The following DMXL2 variants were observed in gnomAD, a reference collection of about 807,000 sequenced individuals.
DMXL2 encodes the protein Dmx like 2.
DMXL2 carries 103 observed loss-of-function variants against 331.1 expected under a neutral mutation model. That is an observed-to-expected ratio of 0.31 (90% CI 0.27 to 0.37). The LOEUF (loss-of-function observed/expected upper bound fraction) is 0.37. Among genes scored for constraint, DMXL2 ranks in the 10% least tolerant of loss-of-function variants. The pLI is 1.00. For missense variants in DMXL2, 3,171 were observed against 3,642.9 expected (o/e 0.87, Z 3.33); for synonymous variants, 1,281 against 1,252.1 (o/e 1.02, Z -0.49).
chr15:51,514,215 G>T (rs1365103616), intron 15 of DMXL2, among the ~76,000 whole-genome samples: 2 of 152,132 alleles, frequency 1.3e-5, no homozygotes, highest in Non-Finnish European at 2.9e-5. Flanking sequence ...AAGGTTCACA[G>T]ATACCATTTC....
intron 6 of DMXL2, among the ~76,000 whole-genome samples, chr15:51,559,517 C>A (rs936136761): frequency 6.6e-5 from 10 of 152,058 alleles, no homozygotes; most frequent in Non-Finnish European, 1.5e-4. Flanking sequence ...GAGTTCAAAA[C>A]CAGCTTGGGC....
chr15:51,467,974 C>T (rs993207636), intron 29 of DMXL2, among the ~76,000 whole-genome samples: 3 of 152,154 alleles, frequency 2.0e-5, no homozygotes, highest in African/African-American at 4.8e-5. Flanking sequence ...GATCTGCCCA[C>T]CTTGGCCTCC....
In DMXL2 at chr15:51,545,588, G is replaced by C. The variant is rs1289374866; in HGVS notation, c.925C>G (p.Leu309Val). Residue 309 changes from leucine to valine, a missense_variant, in exon 8 of 44, where the codon CTT becomes GTT. Leu to Val is a conservative substitution (Grantham distance 32). Transcript: ENST00000560891. The part of the protein sequence containing the change: ...GRHKDRIQHA[L>V]ETIHHLKNLR... ...CATTTTAAATAATATAATACCTCAA[G>C]AGCATGCTGTATTCTGTCTTTGTGT... 6.2e-7 allele frequency: 1 copy of C among 1,612,338 alleles called. No individual in the cohort carries two copies. The highest frequency in any genetic ancestry group is 8.5e-7 in the Non-Finnish European group (1 of 1,179,052).
chr15:51,474,709 T>C (rs1336582604), intron 27 of DMXL2, 117 bp from the exon 28 acceptor site: 4 of 1,133,144 alleles, frequency 3.5e-6, no homozygotes, highest in Non-Finnish European at 4.9e-6. Context: ...AATATTTCCA[T>C]AATTTGAGCA....
In DMXL2 at chr15:51,557,076, T is replaced by TG. The variant is rs58548230; in HGVS notation, c.567+6304dup. ...AAAAAAAAAGGAAAAATATGAAAAA[T>TG]GGGAGAGTTACAAAAGATGAACTAC... On this transcript the variant is annotated intron_variant, in intron 6 of 43. Coordinates refer to ENST00000560891, the MANE Select transcript of DMXL2 (RefSeq NM_001378457.1). Among the ~76,000 whole-genome samples the TG allele has an allele frequency of 7.3e-3, 1,107 of 150,938 alleles. 18 individuals are homozygous for TG. Among genetic ancestry groups the TG allele is most frequent in the African/African-American group, 0.026 (1,064 of 41,214 alleles).
At chr15:51,509,943 C>T (rs935567361) in intron 15 of DMXL2, among the ~76,000 whole-genome samples, 1 of 152,068 alleles carries the variant, frequency 6.6e-6, no homozygotes, top group African/African-American at 2.4e-5. Context: ...TAAACAGAAC[C>T]AATGACAAAA....
chr15:51,505,254 T>A (rs1299567539), intron 16 of DMXL2, among the ~76,000 whole-genome samples: 1 of 152,246 alleles, frequency 6.6e-6, no homozygotes, highest in Non-Finnish European at 1.5e-5. Flanking sequence ...ATGCTTTCTA[T>A]CACAGCTAAA....
At chr15:51,554,292 T>A (rs1433175363) in intron 6 of DMXL2, among the ~76,000 whole-genome samples, 1 of 152,192 alleles carries the variant, frequency 6.6e-6, no homozygotes, top group Non-Finnish European at 1.5e-5. Context: ...AACGTGGTAA[T>A]CCTAAGAAAT....
Position 51,576,201 on chromosome 15 carries a change from A to AAG in DMXL2, c.88-21_88-20insCT. The AAG allele has an allele frequency of 2.8e-6, 4 of 1,438,276 alleles. No individual in the cohort carries two copies. Among genetic ancestry groups the AAG allele is most frequent in the Non-Finnish European group, 3.7e-6 (4 of 1,082,672 alleles). 89.1% of individuals were successfully genotyped at this position (1,438,276 alleles called of 1,614,324 possible). A position where few individuals can be genotyped will look rare whatever the true frequency, so the allele number is the denominator to read the frequency against. On this transcript the variant is annotated intron_variant, in intron 1 of 43. Transcript: ENST00000560891. ...ATATGCCTAAAAAAAAAAAAAAAAA[A>AAG]AAGTTTTACAATACATAAGATATGT...
At chr15:51,459,889 A>C (rs2039971239) in intron 33 of DMXL2, 4 of 1,131,228 alleles carry the variant, frequency 3.5e-6, no homozygotes, top group Non-Finnish European at 4.4e-6. Context: ...AGAACATAAA[A>C]GCTATTTCAA....
At position 51,576,171 on chromosome 15, in the gene DMXL2, G is replaced by A. The variant is rs2051014513; in HGVS notation, c.98C>T (p.Ser33Leu). 3.6e-6 allele frequency: 2 copies of A among 553,604 alleles called. No homozygotes were observed. The highest frequency in any genetic ancestry group is 3.8e-5 in the African/African-American group (1 of 26,424). The allele number at this position is 553,604 out of a possible 1,614,324, so 34.3% of individuals were successfully genotyped here. ...VGDVPFTAYG[S>L]GCDIVILAND... ...TGCCAAAATAACAATATCACAGCCT[G>A]ATCCATATGCCTAAAAAAAAAAAAA... Residue 33 changes from serine (S) to leucine (L), a missense_variant, in exon 2 of 44, where the codon TCA (serine) becomes TTA (leucine). This residue lies in a region of DMXL2 where 1,674 missense variants were observed against 1,780.2 expected (regional missense o/e 0.94). Coordinates refer to ENST00000560891, the MANE Select transcript of DMXL2 (RefSeq NM_001378457.1).
At chr15:51,463,262 C>CT (rs2040285277) in intron 33 of DMXL2, 117 bp downstream of exon 33, 1 of 628,544 alleles carries the variant, frequency 1.6e-6, no homozygotes, top group Non-Finnish European at 2.7e-6. Context: ...GTTTAGTGAA[C>CT]TTTGACTATT....
intron 13 of DMXL2, among the ~76,000 whole-genome samples, chr15:51,525,417 C>A (rs1376529784): frequency 3.3e-5 from 5 of 152,038 alleles, no homozygotes; most frequent in Admixed American, 3.3e-4. Flanking sequence ...GAAGCAGAGG[C>A]AAAAGTAAAG....
intron 1 of DMXL2, among the ~76,000 whole-genome samples, chr15:51,611,847 A>G (rs2053991538): frequency 1.3e-5 from 2 of 152,174 alleles, no homozygotes; most frequent in African/African-American, 4.8e-5. Context: ...AAAGTAGCCA[A>G]TTGCAGGGAG....
intron 1 of DMXL2, among the ~76,000 whole-genome samples, chr15:51,578,949 C>A (rs944130375): frequency 6.6e-6 from 1 of 152,006 alleles, no homozygotes; most frequent in African/African-American, 2.4e-5. Context: ...TACAGAACAT[C>A]CAAAAATTAG....
At chr15:51,521,414 CTAGTAGTAGTAGTAGTAG>C (rs10667947) in intron 13 of DMXL2, among the ~76,000 whole-genome samples, 89 of 142,006 alleles carry the variant, frequency 6.3e-4, no homozygotes, top group Non-Finnish European at 1.2e-3. Context: ...TAAAAGTTTG[CTAGTAGTAGTAGTAGTAG>C]TAGTAGTAGT....
At chr15:51,596,873 A>G (rs993700446) in intron 1 of DMXL2, among the ~76,000 whole-genome samples, 6 of 152,156 alleles carry the variant, frequency 3.9e-5, no homozygotes, top group Non-Finnish European at 7.3e-5. Flanking sequence ...CTGAACAATA[A>G]GAACACATGG....
intron 1 of DMXL2, among the ~76,000 whole-genome samples, chr15:51,590,412 C>G (rs2052203850): frequency 6.6e-6 from 1 of 152,208 alleles, no homozygotes; most frequent in African/African-American, 2.4e-5. Flanking sequence ...AAAGAGTAAG[C>G]AGTCCACAGA....
At position 51,565,159 on chromosome 15, in the gene DMXL2, T is replaced by G; in HGVS notation, c.293A>C (p.Lys98Thr). 1 of 1,572,362 alleles carries G rather than the reference T, an allele frequency of 6.4e-7. No homozygotes were observed. The highest frequency in any genetic ancestry group is 8.6e-7 in the Non-Finnish European group (1 of 1,162,002). ...INSHKRNCQL[K>T]CQWLKTGQFF... is the part of the protein sequence containing the mutation. ...CTGCCCAGTTTTAAGCCACTGGCACTTGAGTTGCTGAAATACGTAGACAAA... is the reference window on the plus strand; with the variant it reads ...CTGCCCAGTTTTAAGCCACTGGCACGTGAGTTGCTGAAATACGTAGACAAA... The change falls in exon 4 of 44, where the codon AAG becomes ACG. Residue 98 changes from lysine (K) to threonine (T), a missense_variant. Transcript: ENST00000560891.
Sources: gnomAD v4.1 joint callset for allele counts (sites outside exome capture counted in the v4.1 genomes callset) on GRCh38, gnomAD v4.1.1 for gene constraint, gnomAD v4.1.1 regional missense constraint, MANE v1.5 for transcripts, NCBI Gene and HGNC (gene_info 2026-07-23, HGNC 2026-07-21) for gene names.